The following AKAIN1 variants were observed in gnomAD, a reference collection of about 807,000 sequenced individuals.
AKAIN1 encodes A-kinase anchor protein inhibitor 1.
AKAIN1 carries 3 observed loss-of-function variants against 3.7 expected under a neutral mutation model. The observed-to-expected ratio is 0.82, with a 90% CI of 0.37 to 2.12. The LOEUF is 2.12. Among genes scored for constraint, AKAIN1 ranks in the 30% most tolerant of loss-of-function variants. AKAIN1 has a pLI of 0.06. For missense variants in AKAIN1, 82 were observed against 82.7 expected, an observed-to-expected ratio of 0.99 and a Z score of 0.03; for synonymous variants, 31 against 30.8, an observed-to-expected ratio of 1.01 and a Z score of -0.02.
chr18:5,191,859 C>T (rs2071320308), intron 1 of AKAIN1, among the ~76,000 whole-genome samples: 1 of 152,072 alleles, frequency 6.6e-6, no homozygotes, highest in Non-Finnish European at 1.5e-5. Flanking sequence ...GGACTCACGT[C>T]TAAATACAAA....
chr18:5,168,561 T>C (rs1306156383), intron 1 of AKAIN1, among the ~76,000 whole-genome samples: 1 of 152,102 alleles, frequency 6.6e-6, no homozygotes, highest in Non-Finnish European at 1.5e-5. Context: ...TACCTTATAC[T>C]GTTTTAAAGT....
At chr18:5,148,191 G>A (rs1490682011) in intron 1 of AKAIN1, among the ~76,000 whole-genome samples, 4 of 152,160 alleles carry the variant, frequency 2.6e-5, no homozygotes, top group Admixed American at 2.6e-4. Flanking sequence ...CTCAAAAATA[G>A]GACAGCTCAC....
At chr18:5,178,591 G>A (rs1362025013) in intron 1 of AKAIN1, among the ~76,000 whole-genome samples, 2 of 152,124 alleles carry the variant, frequency 1.3e-5, no homozygotes, top group East Asian at 1.9e-4. Context: ...TCATTTATAC[G>A]ACATGTACAG....
chr18:5,148,379 G>A (rs2071061155), intron 1 of AKAIN1, among the ~76,000 whole-genome samples: 1 of 152,138 alleles, frequency 6.6e-6, no homozygotes, highest in African/African-American at 2.4e-5. Flanking sequence ...TCCCATGTGG[G>A]ACCAAAAGAG....
intron 1 of AKAIN1, among the ~76,000 whole-genome samples, chr18:5,174,689 T>A (rs1339165528): frequency 6.6e-6 from 1 of 151,852 alleles, no homozygotes; most frequent in African/African-American, 2.4e-5. Context: ...TGTGGTAAGC[T>A]GAGACTAGGC....
At chr18:5,152,828 T>C (rs1051362630) in intron 1 of AKAIN1, among the ~76,000 whole-genome samples, 1 of 152,096 alleles carries the variant, frequency 6.6e-6, no homozygotes, top group Non-Finnish European at 1.5e-5. Context: ...GAGTGGCTAG[T>C]GCCCACCAGG....
chr18:5,169,623 C>G (rs1023765443), intron 1 of AKAIN1, among the ~76,000 whole-genome samples: 5 of 152,080 alleles, frequency 3.3e-5, no homozygotes, highest in African/African-American at 1.2e-4. Flanking sequence ...TAATGTTTGA[C>G]GAGGCCAGCA....
intron 1 of AKAIN1, among the ~76,000 whole-genome samples, chr18:5,196,790 C>T (rs888114958): frequency 3.3e-5 from 5 of 152,250 alleles, no homozygotes; most frequent in African/African-American, 1.2e-4. Flanking sequence ...GTGGAGGAGC[C>T]AGATGGGAAG....
rs183014150 is a variant in AKAIN1, at chr18:5,157,311, C to T, written c.17-11556G>A. ...CAGACACAGAACCCAAAGATTATTT[C>T]CTTCTCTGCACAAAATGGAAAATAT... On this transcript the variant is annotated intron_variant, in intron 1 of 1. Coordinates refer to ENST00000434239, the MANE Select transcript of AKAIN1 (RefSeq NM_001145194.2). Among the ~76,000 whole-genome samples the T allele has an allele frequency of 2.2e-3, 342 of 152,294 alleles. 2 individuals are homozygous for T. The highest frequency in any genetic ancestry group is 3.4e-3 in the Non-Finnish European group (231 of 68,022).
chr18:5,176,038 T>G (rs1380436201), intron 1 of AKAIN1, among the ~76,000 whole-genome samples: 2 of 152,046 alleles, frequency 1.3e-5, no homozygotes, highest in Admixed American at 6.6e-5. Flanking sequence ...CAAGGGAAAA[T>G]GTCCCCAGAC....
intron 1 of AKAIN1, among the ~76,000 whole-genome samples, chr18:5,169,233 C>T (rs2071184162): frequency 6.6e-6 from 1 of 152,024 alleles, no homozygotes. Context: ...TAAGACCACC[C>T]ACGTTATGGA....
chr18:5,184,482 A>G (rs1040144110), intron 1 of AKAIN1, among the ~76,000 whole-genome samples: 4 of 152,094 alleles, frequency 2.6e-5, no homozygotes, highest in Non-Finnish European at 4.4e-5. Context: ...CTGATAAACA[A>G]CTTCAGCAAA....
chr18:5,185,083 C>T (rs1222692820), intron 1 of AKAIN1, among the ~76,000 whole-genome samples: 1 of 152,180 alleles, frequency 6.6e-6, no homozygotes, highest in East Asian at 1.9e-4. Context: ...TTGACAAGAA[C>T]AAGCAGTGAG....
At chr18:5,167,252 T>C (rs576117982) in intron 1 of AKAIN1, among the ~76,000 whole-genome samples, 1 of 151,962 alleles carries the variant, frequency 6.6e-6, no homozygotes, top group Non-Finnish European at 1.5e-5. Context: ...TAACTGCAGA[T>C]AGGGAGAAGG....
Position 5,176,441 on chromosome 18 carries a change from A to AAAAC in AKAIN1, c.16+20593_16+20596dup, listed in dbSNP as rs370470528. On this transcript the variant is annotated intron_variant, in intron 1 of 1. Transcript: ENST00000434239. ...GGTGACAGAGTGGGACCCTGTCTCAAAAACAAACAAACAAACAAAAAAAAC... is the reference window on the plus strand; with the variant it reads ...GGTGACAGAGTGGGACCCTGTCTCAAAAACAAACAAACAAACAAACAAAAAAAAC... Among the ~76,000 whole-genome samples the AAAAC allele has an allele frequency of 4.1e-3, 612 of 149,896 alleles. 3 individuals carry two copies. The highest frequency in any genetic ancestry group is 0.015 in the African/African-American group (585 of 39,564).
At chr18:5,192,997 AT>A (rs570170922) in intron 1 of AKAIN1, among the ~76,000 whole-genome samples, 1 of 152,180 alleles carries the variant, frequency 6.6e-6, no homozygotes, top group Non-Finnish European at 1.5e-5. Flanking sequence ...ACAGAAAAGA[AT>A]TTTTTTGTGT....
chr18:5,150,837 C>A (rs2071076153), intron 1 of AKAIN1, among the ~76,000 whole-genome samples: 2 of 152,186 alleles, frequency 1.3e-5, no homozygotes, highest in South Asian at 4.1e-4. Context: ...TTCTAATGAC[C>A]ATTGGATGAC....
At chr18:5,155,083 C>A (rs1450023233) in intron 1 of AKAIN1, among the ~76,000 whole-genome samples, 2 of 152,052 alleles carry the variant, frequency 1.3e-5, no homozygotes, top group African/African-American at 2.4e-5. Flanking sequence ...ACTTCCCATC[C>A]CATCATTGCC....
chr18:5,193,908 C>T (rs997163964), intron 1 of AKAIN1, among the ~76,000 whole-genome samples: 3 of 152,088 alleles, frequency 2.0e-5, no homozygotes, highest in Admixed American at 2.0e-4. Context: ...TGTGTCACCC[C>T]CTTTCCTTTG....
Sources: gnomAD v4.1 joint callset for allele counts (sites outside exome capture counted in the v4.1 genomes callset) on GRCh38, gnomAD v4.1.1 for gene constraint, MANE v1.5 for transcripts, NCBI Gene and HGNC (gene_info 2026-07-23, HGNC 2026-07-21) for gene names.